The following TAB1 variants were observed in gnomAD, a reference collection of about 807,000 sequenced individuals.
The protein encoded by TAB1 is TGF-beta-activated kinase 1 and MAP3K7-binding protein 1.
Under a neutral mutation model 54.5 loss-of-function variants are expected in TAB1, and 30 were observed. That is an observed-to-expected ratio of 0.55 (90% CI 0.41 to 0.75). TAB1 has a LOEUF of 0.75. Ranked by LOEUF, TAB1 falls within the 30% of genes least tolerant of loss-of-function variation. The pLI is 0.00. For synonymous variants in TAB1, 289 were observed against 286.9 expected (o/e 1.01, Z -0.07); for missense variants, 609 against 683.2 (o/e 0.89, Z 1.21).
rs867691809 is a variant in TAB1 at position 39,430,082 on chromosome 22, G to A, written c.1375G>A (p.Gly459Arg). ...HTQSSSSSSDGGLFRSRPAHS... is the reference protein window; with the variant it reads ...HTQSSSSSSDRGLFRSRPAHS... ...GCAGAGCAGCAGCTCCAGCTCTGACGGAGGCCTCTTCCGCTCCCGGCCCGC... is the reference window on the plus strand; with the variant it reads ...GCAGAGCAGCAGCTCCAGCTCTGACAGAGGCCTCTTCCGCTCCCGGCCCGC... Residue 459 changes from glycine to arginine, a missense_variant, in exon 11 of 11, where the codon GGA becomes AGA. Coordinates refer to ENST00000216160, the MANE Select transcript of TAB1 (RefSeq NM_006116.3). 8.1e-6 allele frequency: 13 copies of A among 1,613,972 alleles called. No homozygotes were observed. The highest frequency in any genetic ancestry group is 2.2e-5 in the South Asian group (2 of 91,090).
chr22:39,420,882 CTGTGTG>C (rs3043618), intron 7 of TAB1, among the ~76,000 whole-genome samples: 21 of 14,386 alleles, frequency 1.5e-3, no homozygotes, highest in African/African-American at 4.5e-3. Flanking sequence ...GTGTCTCTCT[CTGTGTG>C]TGTGTGTGTG....
chr22:39,409,721 A>T (rs1926526122), intron 1 of TAB1, among the ~76,000 whole-genome samples: 1 of 151,958 alleles, frequency 6.6e-6, no homozygotes, highest in Non-Finnish European at 1.5e-5. Flanking sequence ...TGACCACTTC[A>T]TCTAGAGGCC....
chr22:39,411,241 C>A (rs1926593343), intron 1 of TAB1, among the ~76,000 whole-genome samples: 1 of 152,108 alleles, frequency 6.6e-6, no homozygotes, highest in African/African-American at 2.4e-5. Flanking sequence ...TAACTTGGGA[C>A]TGGACAGAGA....
Position 39,420,775 on chromosome 22 carries a change from C to CTCTGTGTG in TAB1, c.777-1051_777-1050insCTGTGTGT, listed in dbSNP as rs1555950643. ...ATGCACATATACACACACGGTGTCT[C>CTCTGTGTG]TGTGTGTGTGTGTGTGTGTGTGTGT... On this transcript the variant is annotated intron_variant, in intron 7 of 10. Transcript: ENST00000216160. 1.9e-3 allele frequency among the ~76,000 whole-genome samples: 139 copies of CTCTGTGTG among 71,834 alleles called. 1 individual carries two copies. Among genetic ancestry groups the CTCTGTGTG allele is most frequent in the African/African-American group, 6.2e-3 (125 of 20,090 alleles). The allele number at this position is 71,834 out of a possible 152,430, so 47.1% of individuals were successfully genotyped here. A position where few individuals can be genotyped will look rare whatever the true frequency, so the allele number is the denominator to read the frequency against.
intron 1 of TAB1, among the ~76,000 whole-genome samples, chr22:39,406,409 A>G (rs1458207520): frequency 6.6e-6 from 1 of 151,710 alleles, no homozygotes; most frequent in African/African-American, 2.4e-5. Context: ...AAAAAAAAAA[A>G]AAAAAAAAAG....
At chr22:39,427,794 C>T (rs1927413937) in intron 9 of TAB1, among the ~76,000 whole-genome samples, 1 of 152,180 alleles carries the variant, frequency 6.6e-6, no homozygotes, top group Non-Finnish European at 1.5e-5. Flanking sequence ...GGATTTACTG[C>T]TATAAGGAGT....
intron 1 of TAB1, among the ~76,000 whole-genome samples, chr22:39,406,799 AT>A (rs945490115): frequency 1.3e-5 from 2 of 151,574 alleles, no homozygotes; most frequent in East Asian, 1.9e-4. Context: ...CGCCCACCTA[AT>A]TTTTTTGTAT....
At chr22:39,422,069 G>A (rs959959405) in intron 8 of TAB1, 98 bp downstream of exon 8, 13 of 1,132,400 alleles carry the variant, frequency 1.1e-5, no homozygotes, top group East Asian at 6.1e-5. Flanking sequence ...CTCGGAGGCC[G>A]TCACCAGACA....
intron 6 of TAB1, 59 bp downstream of exon 6, chr22:39,418,904 TTGG>T: frequency 2.8e-6 from 4 of 1,409,584 alleles, no homozygotes; most frequent in Non-Finnish European, 4.0e-6. Context: ...TCGCCTGCCT[TTGG>T]TGGTGGGGTA....
intron 1 of TAB1, among the ~76,000 whole-genome samples, chr22:39,409,787 T>C (rs561157773): frequency 6.6e-6 from 1 of 152,298 alleles, no homozygotes; most frequent in South Asian, 2.1e-4. Flanking sequence ...TCCTAGCACG[T>C]AGCGCTGTCT....
chr22:39,415,597 C>T lies in TAB1; in HGVS notation c.268C>T (p.Leu90=), dbSNP rs1926795391. 10 of 1,613,874 alleles carry T rather than the reference C, an allele frequency of 6.2e-6. No homozygotes were observed. Among genetic ancestry groups the T allele is most frequent in the Admixed American group, 1.7e-5 (1 of 60,010 alleles). Reference sequence around the variant, plus strand: ...CCAGCGGCTGTCCGCAGAGCTCCTGCTGGGCCAGCTGAATGCCGAGCACGC... The same window carrying T: ...CCAGCGGCTGTCCGCAGAGCTCCTGTTGGGCCAGCTGAATGCCGAGCACGC... ...VAQRLSAELL[L]GQLNAEHAEA... Residue 90 remains leucine (L), a synonymous_variant, in exon 3 of 11, where the codon CTG becomes TTG. Coordinates refer to ENST00000216160, the MANE Select transcript of TAB1 (RefSeq NM_006116.3). This position sits in a 1 kb window ranked among gnomAD's most constrained non-coding sequence, Gnocchi z 4.9.
chr22:39,428,655 C>T (rs930281499), intron 10 of TAB1, among the ~76,000 whole-genome samples: 2 of 152,206 alleles, frequency 1.3e-5, no homozygotes, highest in African/African-American at 2.4e-5. Context: ...CCTCCAGCCG[C>T]AGACCTGCCT....
chr22:39,420,880 C>CTG lies in TAB1; in HGVS notation c.777-946_777-945insGT, dbSNP rs1422295272. On this transcript the variant is annotated intron_variant, in intron 7 of 10. Coordinates refer to ENST00000216160, the MANE Select transcript of TAB1 (RefSeq NM_006116.3). ...AACACCCAGGTGCTGGGGTGTCTCTCTCTGTGTGTGTGTGTGTGTGTGTGT... is the reference window on the plus strand; with the variant it reads ...AACACCCAGGTGCTGGGGTGTCTCTCTGTCTGTGTGTGTGTGTGTGTGTGTGT... Among the ~76,000 whole-genome samples the CTG allele has an allele frequency of 8.3e-4, 77 of 93,066 alleles. 16 individuals carry two copies. Among genetic ancestry groups the CTG allele is most frequent in the African/African-American group, 4.1e-3 (68 of 16,538 alleles). The allele number at this position is 93,066 out of a possible 152,430, so 61.1% of individuals were successfully genotyped here. A position where few individuals can be genotyped will look rare whatever the true frequency, so the allele number is the denominator to read the frequency against.
chr22:39,410,534 G>T (rs2145661474), intron 1 of TAB1, among the ~76,000 whole-genome samples: 1 of 151,290 alleles, frequency 6.6e-6, no homozygotes, highest in Middle Eastern at 3.4e-3. Context: ...GACATACTTG[G>T]CTCAGCTAGC....
chr22:39,432,814 C>T, downstream of TAB1: 1 of 985,344 alleles, frequency 1.0e-6, no homozygotes. Flanking sequence ...CCCCTGTCCC[C>T]AGCCTTGGTG....
At chr22:39,435,623 G>C (rs1927752596), downstream of TAB1, among the ~76,000 whole-genome samples, 1 of 152,216 alleles carries the variant, frequency 6.6e-6, no homozygotes, top group South Asian at 2.1e-4. Flanking sequence ...AAGCGTGCGT[G>C]CTGTCACATG....
intron 1 of TAB1, among the ~76,000 whole-genome samples, chr22:39,413,466 G>C (rs1241800516): frequency 6.6e-6 from 1 of 151,186 alleles, no homozygotes; most frequent in African/African-American, 2.4e-5. Flanking sequence ...GCCCAGGCTA[G>C]AGTGCAGTGG....
intron 1 of TAB1, 66 bp downstream of exon 1, chr22:39,399,901 G>T: frequency 6.5e-7 from 1 of 1,527,444 alleles, no homozygotes; most frequent in Admixed American, 2.0e-5. Context: ...GTCGGGTGCA[G>T]GAACGGCTCC....
chr22:39,416,743 G>T, intron 3 of TAB1, 48 bp from the exon 4 acceptor site: 1 of 1,566,568 alleles, frequency 6.4e-7, no homozygotes, highest in South Asian at 1.1e-5. Context: ...TGGCACCAGT[G>T]ACAGTGGTGT....
Sources: allele counts gnomAD v4.1 joint callset (sites outside exome capture counted in the v4.1 genomes callset), GRCh38; gene constraint gnomAD v4.1.1; non-coding constraint Gnocchi (gnomAD v3.1); transcripts MANE v1.5; gene names NCBI Gene and HGNC (gene_info 2026-07-23, HGNC 2026-07-21).